Variants in ENPP1 observed in about 807,000 individuals in gnomAD.
ENPP1 encodes ectonucleotide pyrophosphatase/phosphodiesterase family member 1.
Under a neutral mutation model 122.8 loss-of-function variants are expected in ENPP1, and 73 were observed. The observed-to-expected ratio is 0.59, with a 90% confidence interval of 0.49 to 0.72. The LOEUF (loss-of-function observed/expected upper bound fraction) is 0.72, where lower values mean the gene tolerates loss of function less well. ENPP1 is among the 30% of genes least tolerant of loss of function. ENPP1 has a pLI of 0.00. For missense variants in ENPP1, 978 were observed against 1,128.1 expected, an observed-to-expected ratio of 0.87 and a Z score of 1.91; for synonymous variants, 367 against 391.6, an observed-to-expected ratio of 0.94 and a Z score of 0.74.
At chr6:131,844,714 T>C (rs1039682905) in intron 1 of ENPP1, among the ~76,000 whole-genome samples, 4 of 152,170 alleles carry the variant, frequency 2.6e-5, no homozygotes, top group African/African-American at 9.7e-5. Flanking sequence ...ACTCCAGATA[T>C]GAAGCCAGAG....
At chr6:131,862,768 C>G (rs1782040376) in intron 9 of ENPP1, among the ~76,000 whole-genome samples, 2 of 152,186 alleles carry the variant, frequency 1.3e-5, no homozygotes, top group African/African-American at 4.8e-5. Context: ...ATGTTATTCC[C>G]AGGAGCAATT....
intron 1 of ENPP1, chr6:131,819,861 C>A: frequency 4.4e-6 from 2 of 453,498 alleles, no homozygotes; most frequent in South Asian, 4.0e-5. Flanking sequence ...ATGATTGATT[C>A]GACCAATTCT....
chr6:131,862,188 A>C (rs1456747938), intron 9 of ENPP1, among the ~76,000 whole-genome samples: 1 of 152,084 alleles, frequency 6.6e-6, no homozygotes, highest in Admixed American at 6.6e-5. Flanking sequence ...ACAAAAACAA[A>C]AAAAAACAAC....
intron 9 of ENPP1, among the ~76,000 whole-genome samples, chr6:131,863,707 G>A (rs116591776): frequency 0.018 from 2,659 of 149,094 alleles, 96 homozygotes; most frequent in African/African-American, 0.063. Context: ...GAGGTCAGGA[G>A]ATCACCTGGC....
At chr6:131,855,168 C>T (rs1242817962) in intron 6 of ENPP1, 145 bp downstream of exon 6, 15 of 699,226 alleles carry the variant, frequency 2.1e-5, no homozygotes, top group East Asian at 5.4e-5. Flanking sequence ...TTGTGTAAGG[C>T]GCTTATCTTT....
Position 131,891,111 on chromosome 6 carries a change from T to C in ENPP1, c.*600T>C, listed in dbSNP as rs778724699. On this transcript the variant is annotated 3_prime_UTR_variant, in exon 25 of 25. Transcript: ENST00000647893. Reference sequence around the variant, plus strand: ...ATGTGTTTTCTTTTTAATTTTTTGATTGGATTTCTTTAGATTTAATGGTTC... The same window carrying C: ...ATGTGTTTTCTTTTTAATTTTTTGACTGGATTTCTTTAGATTTAATGGTTC... 1 of 152,724 alleles carries C rather than the reference T, an allele frequency of 6.5e-6. No individual in the cohort carries two copies. The highest frequency in any genetic ancestry group is 2.1e-4 in the South Asian group (1 of 4,840). 9.5% of individuals were successfully genotyped at this position (152,724 alleles called of 1,614,324 possible). A position where few individuals can be genotyped will look rare whatever the true frequency, so the allele number is the denominator to read the frequency against.
intron 1 of ENPP1, among the ~76,000 whole-genome samples, chr6:131,830,406 C>T (rs577793816): frequency 6.6e-6 from 1 of 152,300 alleles, no homozygotes; most frequent in South Asian, 2.1e-4. Flanking sequence ...TTAGCTGAGA[C>T]ACTCCCTATA....
chr6:131,872,163 A>G, intron 14 of ENPP1, 62 bp downstream of exon 14: 4 of 1,157,784 alleles, frequency 3.5e-6, no homozygotes, highest in Admixed American at 3.4e-5. Flanking sequence ...ATATTGAGAG[A>G]AAAGTTTCAG....
In ENPP1 at chr6:131,861,670, G is replaced by A. The variant is rs543043974; in HGVS notation, c.991G>A (p.Gly331Arg). The stretch of plus-strand genomic sequence containing the variant: ...GCCAGGATCAGATGTGGAAATTAAC[G>A]GAATTTTCCCAGACATCTATAAAAT... ...FWPGSDVEINGIFPDIYKMYN... is the reference protein window; with the variant it reads ...FWPGSDVEINRIFPDIYKMYN... Residue 331 changes from glycine to arginine, a missense_variant, in exon 9 of 25, where the codon GGA becomes AGA. By Grantham distance (125) the Gly-to-Arg change is moderately radical. Transcript: ENST00000647893. 21 of 1,612,692 alleles carry A rather than the reference G, an allele frequency of 1.3e-5. No individual in the cohort carries two copies. Among genetic ancestry groups the A allele is most frequent in the Admixed American group, 1.7e-5 (1 of 60,012 alleles).
At chr6:131,866,560 G>C (rs1585828495) in intron 11 of ENPP1, among the ~76,000 whole-genome samples, 1 of 152,094 alleles carries the variant, frequency 6.6e-6, no homozygotes, top group South Asian at 2.1e-4. Context: ...TAAAAAGTAG[G>C]TACTGCTTGG....
intron 11 of ENPP1, 71 bp downstream of exon 11, chr6:131,865,009 C>T (rs558162225): frequency 1.1e-6 from 1 of 902,460 alleles, no homozygotes. Flanking sequence ...TTGAAGGAGG[C>T]TGCTAGACCA....
At chr6:131,878,476 G>A in intron 18 of ENPP1, 66 bp from the exon 19 acceptor site, 1 of 938,486 alleles carries the variant, frequency 1.1e-6, no homozygotes, top group Non-Finnish European at 1.7e-6. Flanking sequence ...ATCTATAGCG[G>A]TTCTATGTTA....
At chr6:131,866,457 A>T (rs183788882) in intron 11 of ENPP1, among the ~76,000 whole-genome samples, 2 of 152,316 alleles carry the variant, frequency 1.3e-5, no homozygotes, top group East Asian at 3.9e-4. Flanking sequence ...GCAAAAAAGC[A>T]TCCTTATTTT....
In ENPP1 at chr6:131,847,893, G is replaced by A. The variant is rs893411477; in HGVS notation, c.313+45G>A. 1.9e-5 allele frequency: 23 copies of A among 1,194,944 alleles called. No homozygotes were observed. The East Asian group carries it at 1.9e-4, about 10-fold the overall frequency. The allele number at this position is 1,194,944 out of a possible 1,614,324, so 74.0% of individuals were successfully genotyped here. Reference sequence around the variant, plus strand: ...TGTGTGTGTGTGTGTGTGTGTGTGTGTATGTGTGTGCACAGCCTTATTAAG... The same window carrying A: ...TGTGTGTGTGTGTGTGTGTGTGTGTATATGTGTGTGCACAGCCTTATTAAG... On this transcript the variant is annotated intron_variant, in intron 2 of 24. Coordinates refer to ENST00000647893, the MANE Select transcript of ENPP1 (RefSeq NM_006208.3).
At position 131,882,432 on chromosome 6, in the gene ENPP1, A is replaced by G. The variant is rs570464411; in HGVS notation, c.2188A>G (p.Lys730Glu). 9 of 1,610,456 alleles carry G rather than the reference A, an allele frequency of 5.6e-6. 1 individual carries two copies. The South Asian group carries it at 9.9e-5, about 18-fold the overall frequency. The change falls in exon 21 of 25, where the codon AAA (lysine) becomes GAA (glutamate). Residue 730 changes from lysine (K) to glutamate (E), a missense_variant. Coordinates refer to ENST00000647893, the MANE Select transcript of ENPP1 (RefSeq NM_006208.3). ...LSPVHKCSFY[K>E]NNTKVSYGFL... ...TCCTGTCCATAAATGTTCATTTTATAAAAATAACACCAAAGTGAGTTACGG... is the reference window on the plus strand; with the variant it reads ...TCCTGTCCATAAATGTTCATTTTATGAAAATAACACCAAAGTGAGTTACGG...
At chr6:131,820,007 C>T in intron 1 of ENPP1, 2 of 561,862 alleles carry the variant, frequency 3.6e-6, no homozygotes, top group South Asian at 3.0e-5. Context: ...TCAGCTGTTC[C>T]CCATAAGAAA....
intron 11 of ENPP1, among the ~76,000 whole-genome samples, chr6:131,867,367 A>G (rs1050436705): frequency 7.2e-5 from 11 of 152,216 alleles, no homozygotes; most frequent in African/African-American, 2.7e-4. Flanking sequence ...AGTGCCAGAA[A>G]GCAGTTTGCC....
At chr6:131,854,584 G>A (rs1781921766) in intron 5 of ENPP1, among the ~76,000 whole-genome samples, 1 of 151,988 alleles carries the variant, frequency 6.6e-6, no homozygotes, top group East Asian at 1.9e-4. Flanking sequence ...TGCAAATTGG[G>A]AAAACAATAT....
intron 1 of ENPP1, chr6:131,820,480 G>A (rs1781471541): frequency 6.5e-6 from 1 of 153,354 alleles, no homozygotes; most frequent in Non-Finnish European, 1.4e-5. Flanking sequence ...GGTTGAAGAA[G>A]ATGACCATCT....
Sources: gnomAD v4.1 joint callset for allele counts (sites outside exome capture counted in the v4.1 genomes callset) on GRCh38, gnomAD v4.1.1 for gene constraint, MANE v1.5 for transcripts, NCBI Gene and HGNC (gene_info 2026-07-23, HGNC 2026-07-21) for gene names.